The following LCN12 variants were observed in gnomAD, a reference collection of about 807,000 sequenced individuals.
The protein encoded by LCN12 is lipocalin 12, also known as epididymal-specific lipocalin-12.
Under a neutral mutation model 23.7 loss-of-function variants are expected in LCN12, and 15 were observed. The ratio of observed to expected loss-of-function variants is 0.63; its 90% CI spans 0.42 to 0.97. LCN12 has a LOEUF of 0.97. LCN12 is among the 50% of genes least tolerant of loss of function. The pLI, the probability that LCN12 is intolerant of heterozygous loss-of-function variation, is 0.00. For synonymous variants in LCN12, 116 were observed against 111.5 expected (o/e 1.04, Z -0.25); for missense variants, 219 against 249.6 (o/e 0.88, Z 0.83).
Position 136,953,715 on chromosome 9 carries a change from C to T in LCN12, c.267C>T (p.Asp89=). 1 of 1,598,046 alleles carries T rather than the reference C, an allele frequency of 6.3e-7. No individual in the cohort carries two copies. The highest frequency in any genetic ancestry group is 8.5e-7 in the Non-Finnish European group (1 of 1,172,352). ...CCTCCTACAGAGGCCAGCACTGTGA[C>T]ACATGGTCTTATGTGCTGATACCGG... ...WNAMTRGQHC[D]TWSYVLIPAA... The change falls in exon 3 of 6, where the codon GAC becomes GAT. Residue 89 remains aspartate, a synonymous_variant. Transcript: ENST00000371633.
In LCN12 at chr9:136,952,433, G is replaced by A; in HGVS notation, c.106G>A (p.Gly36Arg). The A allele has an allele frequency of 3.1e-6, 5 of 1,607,134 alleles. No individual in the cohort carries two copies. Among genetic ancestry groups the A allele is most frequent in the East Asian group, 2.2e-5 (1 of 44,842 alleles). ...PLPPPMQSFQ[G>R]NQFQGEWFVL... Reference sequence around the variant, plus strand: ...CCCGCCCCCGATGCAGAGCTTCCAAGGAAACCAGGTACAGGGGTTTTGACG... The same window carrying A: ...CCCGCCCCCGATGCAGAGCTTCCAAAGAAACCAGGTACAGGGGTTTTGACG... The change falls in exon 1 of 6, where the codon GGA becomes AGA. Residue 36 changes from glycine (G) to arginine (R), a missense_variant. Coordinates refer to ENST00000371633, the MANE Select transcript of LCN12 (RefSeq NM_178536.4).
chr9:136,954,146 G>C lies in LCN12; in HGVS notation c.449-8G>C. The C allele has an allele frequency of 1.9e-6, 3 of 1,545,426 alleles. No individual in the cohort carries two copies. The highest frequency in any genetic ancestry group is 2.6e-6 in the Non-Finnish European group (3 of 1,143,554). On this transcript the variant is annotated splice_polypyrimidine_tract_variant and splice_region_variant and intron_variant, in intron 4 of 5. Transcript: ENST00000371633. ...GCACAGACCCATGCTGGGCTCCCTG[G>C]GCTGCAGGCAGGAGCTGGTTGCTGC...
At chr9:136,954,788 G>A (rs781604859) in intron 5 of LCN12, 30 of 1,290,386 alleles carry the variant, frequency 2.3e-5, no homozygotes, top group South Asian at 7.4e-5. Flanking sequence ...TCAGACAGCC[G>A]CGGCCCCCAA....
intron 2 of LCN12, 160 bp downstream of exon 2, chr9:136,953,188 G>A: frequency 9.8e-7 from 1 of 1,021,756 alleles, no homozygotes; most frequent in Non-Finnish European, 1.4e-6. Flanking sequence ...ATACAAAAAA[G>A]TGTGGGCAGC....
At chr9:136,956,092 A>G (rs77449853), downstream of LCN12, among the ~76,000 whole-genome samples, 315 of 152,084 alleles carry the variant, frequency 2.1e-3, 2 homozygotes, top group African/African-American at 7.2e-3. Context: ...ACACCCCTGC[A>G]AGATGTCTGT....
chr9:136,954,164 G>A lies in LCN12; in HGVS notation c.459G>A (p.Trp153Ter), dbSNP rs561231515. The A allele has an allele frequency of 6.4e-7, 1 of 1,559,854 alleles. No individual in the cohort carries two copies. Among genetic ancestry groups the A allele is most frequent in the South Asian group, 1.2e-5 (1 of 84,274 alleles). The change falls in exon 5 of 6, where the codon TGG (tryptophan) becomes TGA (stop). Residue 153 changes from tryptophan to a stop codon, truncating the protein, a stop_gained. Transcript: ENST00000371633. LOFTEE classifies it high-confidence loss of function. ...CTCCCTGGGCTGCAGGCAGGAGCTG[G>A]TTGCTGCCTCCCGGGACGCTGGACC... ...VLRISLLGRS[W>*]LLPPGTLDQF... is the part of the protein sequence containing the mutation.
chr9:136,950,663 A>T (rs1851131188), upstream of LCN12, among the ~76,000 whole-genome samples: 1 of 151,804 alleles, frequency 6.6e-6, no homozygotes, highest in Admixed American at 6.6e-5. Context: ...GGCCAGGGGG[A>T]TGGTGGAGAG....
chr9:136,953,077 C>G (rs1215135390), intron 2 of LCN12, 49 bp downstream of exon 2: 1 of 1,605,584 alleles, frequency 6.2e-7, no homozygotes, highest in Admixed American at 1.7e-5. Flanking sequence ...GATCCCGGGC[C>G]TGGGTCCCAG....
Position 136,952,872 on chromosome 9 carries a change from G to GGCCCCC in LCN12, c.115-20_115-19insGCCCCC. 6.3e-7 allele frequency: 1 copy of GGCCCCC among 1,585,322 alleles called. No homozygotes were observed. Among genetic ancestry groups the GGCCCCC allele is most frequent in the East Asian group, 2.3e-5 (1 of 43,912 alleles). On this transcript the variant is annotated intron_variant, in intron 1 of 5. Coordinates refer to ENST00000371633, the MANE Select transcript of LCN12 (RefSeq NM_178536.4). ...GCCACCCCTGCCCACCGCCGCCCCT[G>GGCCCCC]CCCACCACCGCCTCTGTAGTTCCAG...
At position 136,954,921 on chromosome 9, in the gene LCN12, C is replaced by T. The variant is rs891281316; in HGVS notation, c.551-450C>T. 8.9e-6 allele frequency: 11 copies of T among 1,232,648 alleles called. No homozygotes were observed. In the African/African-American group the frequency reaches 1.6e-4, roughly 17 times the overall value. The allele number at this position is 1,232,648 out of a possible 1,614,324, so 76.4% of individuals were successfully genotyped here. ...TTACATGTGCATAACCACATGCACA[C>T]ACACTCACGCATGAGCAAACGTGTA... On this transcript the variant is annotated intron_variant, in intron 5 of 5. Transcript: ENST00000371633.
intron 2 of LCN12, 78 bp downstream of exon 2, chr9:136,953,106 C>A (rs899291285): frequency 1.2e-5 from 19 of 1,569,748 alleles, no homozygotes; most frequent in Non-Finnish European, 1.4e-5. Context: ...GGCTCAGGTG[C>A]GCCATGGGCC....
In LCN12 at chr9:136,955,411, G is replaced by A. The variant is rs1286373545; in HGVS notation, c.*12G>A. On this transcript the variant is annotated 3_prime_UTR_variant, in exon 6 of 6. Transcript: ENST00000371633. ...CCAGCGTCTGTTGAAGGATGAAGCAGCTCCTGTCCGGCCCAGCCCTGCCTC... is the reference window on the plus strand; with the variant it reads ...CCAGCGTCTGTTGAAGGATGAAGCAACTCCTGTCCGGCCCAGCCCTGCCTC... The A allele has an allele frequency of 6.2e-7, 1 of 1,612,638 alleles. No homozygotes were observed. The highest frequency in any genetic ancestry group is 1.7e-5 in the Admixed American group (1 of 59,976).
chr9:136,955,267 A>C (rs1588477343), intron 5 of LCN12, 104 bp from the exon 6 acceptor site: 2 of 1,508,894 alleles, frequency 1.3e-6, no homozygotes, highest in South Asian at 1.3e-5. Context: ...CCTGCTTCTC[A>C]CCTGAAGCCA....
At chr9:136,953,351 A>C (rs1219915208) in intron 2 of LCN12, 1 of 96,582 alleles carries the variant, frequency 1.0e-5, no homozygotes. Context: ...TCACACCTGT[A>C]ATCCTAGCAC....
chr9:136,953,991 C>A (rs772624892), intron 4 of LCN12, 27 bp downstream of exon 4: 3 of 1,600,910 alleles, frequency 1.9e-6, no homozygotes, highest in Non-Finnish European at 2.5e-6. Context: ...GTCCTGGGCC[C>A]GTGTGTGGCC....
intron 2 of LCN12, chr9:136,953,344 CA>C: frequency 7.1e-5 from 7 of 98,466 alleles, no homozygotes; most frequent in South Asian, 2.4e-4. Flanking sequence ...CGCTGGCTCA[CA>C]CCTGTAATCC....
At chr9:136,954,077 T>C (rs1851249551) in intron 4 of LCN12, 77 bp from the exon 5 acceptor site, 4 of 1,521,300 alleles carry the variant, frequency 2.6e-6, no homozygotes, top group Non-Finnish European at 3.5e-6. Flanking sequence ...GGGGTACAGA[T>C]AGTTCAATCT....
intron 1 of LCN12, 82 bp downstream of exon 1, chr9:136,952,523 T>C: frequency 9.8e-7 from 1 of 1,016,720 alleles, no homozygotes; most frequent in Non-Finnish European, 1.5e-6. Flanking sequence ...GGCCTGGGGA[T>C]GCTGCCCAGA....
At chr9:136,952,020 GGAAGGGGGCT>G (rs1851164310), upstream of LCN12, among the ~76,000 whole-genome samples, 1 of 152,360 alleles carries the variant, frequency 6.6e-6, no homozygotes, top group South Asian at 2.1e-4. Flanking sequence ...TGGGGCACTT[GGAAGGGGGCT>G]GAAGGGGGCA....
Sources: gnomAD v4.1 joint callset for allele counts (sites outside exome capture counted in the v4.1 genomes callset) on GRCh38, gnomAD v4.1.1 for gene constraint, MANE v1.5 for transcripts, NCBI Gene and HGNC (gene_info 2026-07-23, HGNC 2026-07-21) for gene names.